The following COL4A3 variants were observed in gnomAD, a reference collection of about 807,000 sequenced individuals.
COL4A3 encodes collagen alpha-3(IV) chain.
In COL4A3, 135 loss-of-function variants were observed where a neutral mutation model predicts 217.4. That is an observed-to-expected ratio of 0.62 (90% CI 0.54 to 0.72). The LOEUF is 0.72. Ranked by LOEUF, COL4A3 falls within the 30% of genes least tolerant of loss-of-function variation. COL4A3 has a pLI of 0.00. For synonymous variants in COL4A3, 690 were observed against 736.3 expected (o/e 0.94, Z 1.02); for missense variants, 1,868 against 2,119.9 (o/e 0.88, Z 2.33).
chr2:227,281,322 A>G (rs2071950635), intron 31 of COL4A3, among the ~76,000 whole-genome samples: 1 of 152,202 alleles, frequency 6.6e-6, no homozygotes, highest in Non-Finnish European at 1.5e-5. Flanking sequence ...CTCAGAAAAC[A>G]TTTTACCTTT....
intron 3 of COL4A3, among the ~76,000 whole-genome samples, chr2:227,241,629 A>G (rs1037688656): frequency 1.3e-5 from 2 of 152,172 alleles, no homozygotes; most frequent in African/African-American, 4.8e-5. Flanking sequence ...AGCCATGATC[A>G]TGCTACTGCA....
intron 1 of COL4A3, among the ~76,000 whole-genome samples, chr2:227,165,436 A>G (rs996304180): frequency 6.6e-6 from 1 of 152,144 alleles, no homozygotes; most frequent in African/African-American, 2.4e-5. Context: ...TGACACTTTG[A>G]TTTGATTTTT....
rs191315922 is a variant in COL4A3 at position 227,208,401 on chromosome 2, A to T, written c.88-29567A>T. ...AAAACCTAAGATCAGTGCTTGAGAC[A>T]TTTTGTAGACCCTGCACTCAATGGA... is the stretch of plus-strand genomic sequence containing the variant. On this transcript the variant is annotated intron_variant, in intron 1 of 51. Transcript: ENST00000396578. Among the ~76,000 whole-genome samples the T allele has an allele frequency of 3.2e-3, 484 of 152,274 alleles. 8 individuals carry two copies. In the South Asian group the frequency reaches 0.037, roughly 12 times the overall value.
chr2:227,276,461 C>T lies in COL4A3; in HGVS notation c.2004C>T (p.Gly668=). 4.3e-6 allele frequency: 7 copies of T among 1,613,772 alleles called. No homozygotes were observed. The highest frequency in any genetic ancestry group is 5.1e-6 in the Non-Finnish European group (6 of 1,179,706). The stretch of plus-strand genomic sequence containing the variant: ...CTCCAGGGCCCCCTGGCCATCCTGG[C>T]CCCCAAGGTCCACCTGGTAAGTATC... ...PGPPGPPGHP[G]PQGPPGIPGS... is the part of the protein sequence containing the mutation. The change falls in exon 27 of 52, where the codon GGC becomes GGT. Residue 668 remains glycine, a synonymous_variant. Coordinates refer to ENST00000396578, the MANE Select transcript of COL4A3 (RefSeq NM_000091.5).
chr2:227,202,965 A>G (rs1574553494), intron 1 of COL4A3, among the ~76,000 whole-genome samples: 1 of 35,700 alleles, frequency 2.8e-5, no homozygotes, highest in South Asian at 1.2e-3. Flanking sequence ...ATATATGTGT[A>G]TATATGTGTA....
At chr2:227,263,689 A>G (rs1334636222) in intron 20 of COL4A3, 91 bp from the exon 21 acceptor site, 1 of 1,307,970 alleles carries the variant, frequency 7.6e-7, no homozygotes, top group Non-Finnish European at 1.1e-6. Context: ...CAATTTTTAT[A>G]AATAAAATTA....
At chr2:227,244,930 T>G in intron 4 of COL4A3, 21 bp from the exon 5 acceptor site, 2 of 1,592,458 alleles carry the variant, frequency 1.3e-6, no homozygotes, top group Non-Finnish European at 1.7e-6. Context: ...TGCCACCCCC[T>G]CCTTTTTCCT....
At chr2:227,203,130 CATATATGTGT>C (rs1249675962) in intron 1 of COL4A3, among the ~76,000 whole-genome samples, 1 of 23,854 alleles carries the variant, frequency 4.2e-5, no homozygotes, top group Non-Finnish European at 8.1e-5. Context: ...TGTATATATA[CATATATGTGT>C]ATATATGTGT....
intron 1 of COL4A3, among the ~76,000 whole-genome samples, chr2:227,228,885 A>G (rs2068239366): frequency 6.6e-6 from 1 of 152,164 alleles, no homozygotes; most frequent in African/African-American, 2.4e-5. Context: ...AGGAGCACCT[A>G]ATGATCCATG....
At chr2:227,199,472 T>G (rs968148582) in intron 1 of COL4A3, among the ~76,000 whole-genome samples, 1 of 152,256 alleles carries the variant, frequency 6.6e-6, no homozygotes, top group East Asian at 1.9e-4. Context: ...TCATTCAGTC[T>G]GCAACTAAGA....
intron 33 of COL4A3, 22 bp from the exon 34 acceptor site, chr2:227,284,189 T>C: frequency 1.9e-6 from 3 of 1,613,936 alleles, no homozygotes; most frequent in Non-Finnish European, 2.5e-6. Flanking sequence ...AAGGACCTGA[T>C]GTTGTTACTC....
chr2:227,197,375 G>A (rs1559814175), intron 1 of COL4A3, among the ~76,000 whole-genome samples: 1 of 152,074 alleles, frequency 6.6e-6, no homozygotes. Flanking sequence ...GTACCATCGA[G>A]TATGTCCTTA....
Position 227,164,816 on chromosome 2 carries a change from G to A in COL4A3, c.87+3G>A, listed in dbSNP as rs1003166710. The A allele has an allele frequency of 2.6e-6, 4 of 1,512,738 alleles. No homozygotes were observed. The highest frequency in any genetic ancestry group is 1.4e-5 in the African/African-American group (1 of 69,986). The allele number at this position is 1,512,738 out of a possible 1,614,324, so 93.7% of individuals were successfully genotyped here. On this transcript the variant is annotated splice_donor_region_variant and intron_variant, in intron 1 of 51. Coordinates refer to ENST00000396578, the MANE Select transcript of COL4A3 (RefSeq NM_000091.5). This position sits in a 1 kb window ranked among gnomAD's most constrained non-coding sequence, Gnocchi z 4.8. ...CGGCGGCGCCCGCAGCCAGCAAGGT[G>A]AGTGGGGGCTGCGCGACCCCCACCC...
chr2:227,303,434 T>G (rs2073375930), intron 44 of COL4A3, among the ~76,000 whole-genome samples: 2 of 152,238 alleles, frequency 1.3e-5, no homozygotes, highest in Admixed American at 1.3e-4. Context: ...AACTCTAGGC[T>G]ATTAGTAAAG....
At chr2:227,285,981 G>A (rs903725736) in intron 34 of COL4A3, among the ~76,000 whole-genome samples, 30 of 152,254 alleles carry the variant, frequency 2.0e-4, no homozygotes, top group South Asian at 6.2e-4. Context: ...TTCAAATGTG[G>A]AAGAGATATT....
At chr2:227,211,891 C>T (rs185433089) in intron 1 of COL4A3, among the ~76,000 whole-genome samples, 6 of 152,186 alleles carry the variant, frequency 3.9e-5, no homozygotes, top group African/African-American at 1.4e-4. Context: ...CTCCTGACCT[C>T]ACTGACCTCA....
chr2:227,275,656 T>C (rs868098975), intron 26 of COL4A3, among the ~76,000 whole-genome samples: 11 of 152,222 alleles, frequency 7.2e-5, no homozygotes, highest in African/African-American at 2.7e-4. Context: ...GTGGTCAGAA[T>C]ATTATCTCGT....
chr2:227,201,780 T>C (rs1162980882), intron 1 of COL4A3, among the ~76,000 whole-genome samples: 1 of 152,216 alleles, frequency 6.6e-6, no homozygotes, highest in Non-Finnish European at 1.5e-5. Context: ...GTTTCTCCTA[T>C]TGAAATTAAT....
In COL4A3 at chr2:227,247,599, G is replaced by T. The variant is rs2069428269; in HGVS notation, c.468+15G>T. Reference sequence around the variant, plus strand: ...AAGGACAAAAGGTAAGTCATTGGTGGAATGCTGTCACTGAAAATCTCTAAC... The same window carrying T: ...AAGGACAAAAGGTAAGTCATTGGTGTAATGCTGTCACTGAAAATCTCTAAC... On this transcript the variant is annotated intron_variant, in intron 8 of 51. Coordinates refer to ENST00000396578, the MANE Select transcript of COL4A3 (RefSeq NM_000091.5). 1 of 1,613,838 alleles carries T rather than the reference G, an allele frequency of 6.2e-7. No homozygotes were observed. Among genetic ancestry groups the T allele is most frequent in the Non-Finnish European group, 8.5e-7 (1 of 1,179,774 alleles).
Sources: allele counts gnomAD v4.1 joint callset (sites outside exome capture counted in the v4.1 genomes callset), GRCh38; gene constraint gnomAD v4.1.1; non-coding constraint Gnocchi (gnomAD v3.1); transcripts MANE v1.5; gene names NCBI Gene and HGNC (gene_info 2026-07-23, HGNC 2026-07-21).